Variants in DCDC1 observed in about 807,000 individuals in gnomAD.
DCDC1 encodes the protein doublecortin domain containing 1.
Under a neutral mutation model 178.3 loss-of-function variants are expected in DCDC1, and 200 were observed. The observed-to-expected ratio is 1.12, with a 90% CI of 1.00 to 1.26. The LOEUF (loss-of-function observed/expected upper bound fraction) is 1.26, where lower values mean the gene tolerates loss of function less well. DCDC1 is among the 50% of genes most tolerant of loss of function. The pLI, the probability that DCDC1 is intolerant of heterozygous loss-of-function variation, is 0.00. For synonymous variants in DCDC1, 690 were observed against 604.8 expected (o/e 1.14, Z -2.07); for missense variants, 1,983 against 1,749.2 (o/e 1.13, Z -2.38).
chr11:31,301,720 A>G (rs1289175887), intron 6 of DCDC1, among the ~76,000 whole-genome samples: 5 of 152,214 alleles, frequency 3.3e-5, no homozygotes, highest in Non-Finnish European at 7.3e-5. Flanking sequence ...CAAATCATCA[A>G]TAATTAAAAT....
In DCDC1 at chr11:31,237,580, CTT is replaced by C. The variant is rs753227436; in HGVS notation, c.1221+3868_1221+3869del. ...CAAAAATTATATAAACCTCAACAAA[CTT>C]TATTAAGTAATGATTTACTACAAAT... On this transcript the variant is annotated intron_variant, in intron 9 of 38. Transcript: ENST00000684477. Among the ~76,000 whole-genome samples the C allele has an allele frequency of 3.7e-4, 56 of 151,894 alleles. 1 individual carries two copies. Among genetic ancestry groups the C allele is most frequent in the Admixed American group, 1.5e-3 (23 of 15,230 alleles).
chr11:31,306,476 T>C (rs902842103), intron 4 of DCDC1, 88 bp from the exon 5 acceptor site: 16 of 1,354,780 alleles, frequency 1.2e-5, no homozygotes, highest in South Asian at 1.1e-4. Context: ...TTTAAACAGA[T>C]ATAAGCACTA....
At chr11:31,089,964 C>T (rs1298127442) in intron 17 of DCDC1, among the ~76,000 whole-genome samples, 2 of 152,122 alleles carry the variant, frequency 1.3e-5, no homozygotes, top group African/African-American at 2.4e-5. Flanking sequence ...ACTAAATGAG[C>T]TGAAGCATCT....
At chr11:31,176,262 TA>T (rs1264864692) in intron 9 of DCDC1, among the ~76,000 whole-genome samples, 1 of 152,172 alleles carries the variant, frequency 6.6e-6, no homozygotes, top group Non-Finnish European at 1.5e-5. Flanking sequence ...AAATAAATGA[TA>T]TAATTGAGAG....
intron 8 of DCDC1, among the ~76,000 whole-genome samples, chr11:31,258,129 G>A (rs953546518): frequency 4.6e-5 from 7 of 152,260 alleles, no homozygotes; most frequent in Admixed American, 1.3e-4. Flanking sequence ...AAATAGATGG[G>A]CCTGAGATTA....
At position 30,906,715 on chromosome 11, in the gene DCDC1, T is replaced by G. The variant is rs540177339; in HGVS notation, c.3929A>C (p.Tyr1310Ser). 1.3e-5 allele frequency: 21 copies of G among 1,612,708 alleles called. No individual in the cohort carries two copies. Among genetic ancestry groups the G allele is most frequent in the East Asian group, 2.2e-5 (1 of 44,838 alleles). Residue 1310 changes from tyrosine to serine, a missense_variant, in exon 30 of 39, where the codon TAT becomes TCT. Tyr to Ser is a moderately radical substitution (Grantham distance 144). Coordinates refer to ENST00000684477, the MANE Select transcript of DCDC1 (RefSeq NM_001387274.1). ...EENIDQPGYC[Y>S]LSPDGKRKTM... The stretch of plus-strand genomic sequence containing the variant: ...TTTTCTCTTTCCATCAGGTGAGAGA[T>G]AACAGTATCCCTAAAATGGGAGACA...
At chr11:31,060,191 C>A (rs181986923) in intron 20 of DCDC1, among the ~76,000 whole-genome samples, 2 of 151,960 alleles carry the variant, frequency 1.3e-5, no homozygotes, top group African/African-American at 4.8e-5. Context: ...GAGAACCAAA[C>A]GCTCAATTTT....
chr11:31,250,421 C>CATATATATACATATATAT lies in DCDC1; in HGVS notation c.1055-8806_1055-8805insATATATATGTATATATAT. Among the ~76,000 whole-genome samples, 2 of 52,868 alleles carry CATATATATACATATATAT rather than the reference C, an allele frequency of 3.8e-5. 1 individual carries two copies. The highest frequency in any genetic ancestry group is 9.7e-5 in the Non-Finnish European group (2 of 20,716). The allele number at this position is 52,868 out of a possible 152,430, so 34.7% of individuals were successfully genotyped here. ...ACACACACACACACACACACATATA[C>CATATATATACATATATAT]ATATATATGTATATATATATATATC... On this transcript the variant is annotated intron_variant, in intron 8 of 38. Transcript: ENST00000684477.
At chr11:30,978,204 C>T (rs929448825) in intron 20 of DCDC1, among the ~76,000 whole-genome samples, 3 of 152,184 alleles carry the variant, frequency 2.0e-5, no homozygotes, top group African/African-American at 4.8e-5. Flanking sequence ...TATTCTCACA[C>T]GAATCTGAAG....
chr11:31,364,625 C>T (rs1951871186), intron 1 of DCDC1, among the ~76,000 whole-genome samples: 1 of 152,130 alleles, frequency 6.6e-6, no homozygotes, highest in African/African-American at 2.4e-5. Context: ...AAAATATTTA[C>T]CTCTTCCTCT....
intron 10 of DCDC1, 91 bp from the exon 11 acceptor site, chr11:31,127,730 A>G (rs1219974968): frequency 4.1e-5 from 26 of 636,862 alleles, no homozygotes; most frequent in Non-Finnish European, 6.5e-5. Flanking sequence ...TGATGGGGGG[A>G]AAATGACTTC....
intron 20 of DCDC1, among the ~76,000 whole-genome samples, chr11:30,995,092 G>A (rs971197112): frequency 6.6e-6 from 1 of 151,968 alleles, no homozygotes; most frequent in Non-Finnish European, 1.5e-5. Flanking sequence ...CAAGATCAAT[G>A]TATTTCTATA....
chr11:31,031,300 A>C (rs1953612075), intron 20 of DCDC1, among the ~76,000 whole-genome samples: 1 of 152,158 alleles, frequency 6.6e-6, no homozygotes, highest in Non-Finnish European at 1.5e-5. Context: ...CTTTGTTTTC[A>C]TTACTGACTT....
At chr11:30,993,353 T>C (rs1951088274) in intron 20 of DCDC1, among the ~76,000 whole-genome samples, 1 of 152,034 alleles carries the variant, frequency 6.6e-6, no homozygotes, top group African/African-American at 2.4e-5. Context: ...ATTAACAGCA[T>C]TAAATTTTAT....
intron 8 of DCDC1, among the ~76,000 whole-genome samples, chr11:31,252,717 A>G (rs1338723368): frequency 6.6e-6 from 1 of 152,138 alleles, no homozygotes; most frequent in Non-Finnish European, 1.5e-5. Context: ...CACTTAAATG[A>G]TACATATTCA....
intron 18 of DCDC1, among the ~76,000 whole-genome samples, chr11:31,077,053 C>A (rs1457327314): frequency 6.6e-6 from 1 of 152,132 alleles, no homozygotes; most frequent in East Asian, 1.9e-4. Context: ...TCTCTACACA[C>A]TGGTTTGCTT....
chr11:31,346,328 G>C (rs1950809739), intron 1 of DCDC1, among the ~76,000 whole-genome samples: 1 of 151,840 alleles, frequency 6.6e-6, no homozygotes, highest in Non-Finnish European at 1.5e-5. Flanking sequence ...GCCCGGCATG[G>C]TGGCACACGC....
rs184340699 is a variant in DCDC1 at position 30,950,500 on chromosome 11, C to T, written c.2715+1945G>A. Among the ~76,000 whole-genome samples the T allele has an allele frequency of 1.5e-3, 228 of 152,144 alleles. 1 individual carries two copies. The highest frequency in any genetic ancestry group is 5.0e-3 in the African/African-American group (209 of 41,504). The stretch of plus-strand genomic sequence containing the variant: ...ATGGACAAAGAAAATGTTGTATACA[C>T]AGTAAAGTATTTCAGCCATAAAAAA... On this transcript the variant is annotated intron_variant, in intron 21 of 38. Coordinates refer to ENST00000684477, the MANE Select transcript of DCDC1 (RefSeq NM_001387274.1).
At chr11:31,008,287 G>C (rs1369397554) in intron 20 of DCDC1, among the ~76,000 whole-genome samples, 1 of 152,122 alleles carries the variant, frequency 6.6e-6, no homozygotes, top group Admixed American at 6.5e-5. Context: ...ATAATTAAAG[G>C]GATGAGAAGT....
Sources: allele counts gnomAD v4.1 joint callset (sites outside exome capture counted in the v4.1 genomes callset), GRCh38; gene constraint gnomAD v4.1.1; transcripts MANE v1.5; gene names NCBI Gene and HGNC (gene_info 2026-07-23, HGNC 2026-07-21).